DGKD: variants seen among roughly 807,000 people sequenced by gnomAD.
DGKD encodes DAG kinase delta.
DGKD carries 68 observed loss-of-function variants against 154.4 expected under a neutral mutation model. The observed-to-expected ratio is 0.44, with a 90% CI of 0.36 to 0.54. The LOEUF (loss-of-function observed/expected upper bound fraction) is 0.54. Among genes scored for constraint, DGKD ranks in the 20% least tolerant of loss-of-function variants. The pLI is 0.00. For missense variants in DGKD, 1,343 were observed against 1,593.6 expected, an observed-to-expected ratio of 0.84 and a Z score of 2.68; for synonymous variants, 693 against 638.0, an observed-to-expected ratio of 1.09 and a Z score of -1.30.
At chr2:233,421,513 A>G (rs1338187966) in intron 3 of DGKD, among the ~76,000 whole-genome samples, 1 of 152,222 alleles carries the variant, frequency 6.6e-6, no homozygotes, top group East Asian at 1.9e-4. Context: ...AGTAAAAGCC[A>G]AAGTTCTTAC....
intron 1 of DGKD, among the ~76,000 whole-genome samples, chr2:233,378,952 G>T (rs1310316514): frequency 6.6e-6 from 1 of 152,194 alleles, no homozygotes; most frequent in East Asian, 1.9e-4. Flanking sequence ...GATCTCTTGA[G>T]CCCAAGAGGT....
At chr2:233,357,054 G>A (rs1377647319) in intron 1 of DGKD, among the ~76,000 whole-genome samples, 2 of 152,186 alleles carry the variant, frequency 1.3e-5, no homozygotes, top group Admixed American at 6.5e-5. Flanking sequence ...GCAACAAGCA[G>A]GAAACTGCTG....
chr2:233,389,258 C>T (rs1249388260), intron 2 of DGKD, among the ~76,000 whole-genome samples: 1 of 152,118 alleles, frequency 6.6e-6, no homozygotes, highest in African/African-American at 2.4e-5. Flanking sequence ...TTCTGTGTGC[C>T]CTATTGTAGG....
intron 1 of DGKD, among the ~76,000 whole-genome samples, chr2:233,377,364 G>T (rs943960255): frequency 1.3e-5 from 2 of 152,154 alleles, no homozygotes; most frequent in Admixed American, 6.6e-5. Context: ...GATTACAGGC[G>T]TGAGCCACTG....
chr2:233,376,888 CAT>C (rs774796940), intron 1 of DGKD, among the ~76,000 whole-genome samples: 34 of 152,084 alleles, frequency 2.2e-4, no homozygotes, highest in Non-Finnish European at 4.3e-4. Context: ...CTTTTAAAAT[CAT>C]GTGTGTGCCT....
intron 3 of DGKD, among the ~76,000 whole-genome samples, chr2:233,408,513 C>T (rs1343590004): frequency 6.6e-6 from 1 of 152,190 alleles, no homozygotes; most frequent in Non-Finnish European, 1.5e-5. Flanking sequence ...CAGCTCCTGC[C>T]CCCTGGGCTC....
chr2:233,393,616 G>T, intron 3 of DGKD, among the ~76,000 whole-genome samples: 1 of 151,400 alleles, frequency 6.6e-6, no homozygotes, highest in Non-Finnish European at 1.5e-5. Flanking sequence ...GGGATTACAG[G>T]TGTAAGGCAC....
rs374290178 is a variant in DGKD at position 233,412,270 on chromosome 2, C to G, written c.348+21787C>G. Reference sequence around the variant, plus strand: ...CAGTACATTAACACGATCTCTCTCTCTTTATTTAGGTGCTTTAAATTTATC... The same window carrying G: ...CAGTACATTAACACGATCTCTCTCTGTTTATTTAGGTGCTTTAAATTTATC... On this transcript the variant is annotated intron_variant, in intron 3 of 29. Coordinates refer to ENST00000264057, the MANE Select transcript of DGKD (RefSeq NM_152879.3). Among the ~76,000 whole-genome samples the G allele has an allele frequency of 1.6e-4, 24 of 152,296 alleles. No homozygotes were observed. The East Asian group carries it at 3.5e-3, about 22-fold the overall frequency.
Position 233,355,096 on chromosome 2 carries a change from C to T in DGKD, c.156+422C>T, listed in dbSNP as rs569185364. ...CCCCAAACCCCGGTTCTGCACGTTT[C>T]TCAGGAGCGGTCGGGTGGTGTCCCG... On this transcript the variant is annotated intron_variant, in intron 1 of 29. Coordinates refer to ENST00000264057, the MANE Select transcript of DGKD (RefSeq NM_152879.3). Among the ~76,000 whole-genome samples, 5 of 152,244 alleles carry T rather than the reference C, an allele frequency of 3.3e-5. No individual in the cohort carries two copies. In the South Asian group the frequency reaches 1.0e-3, roughly 32 times the overall value.
intron 16 of DGKD, among the ~76,000 whole-genome samples, 166 bp downstream of exon 16, chr2:233,450,297 G>A (rs139846926): frequency 4.6e-5 from 7 of 152,208 alleles, no homozygotes; most frequent in East Asian, 3.9e-4. Context: ...TCTCCTGTGC[G>A]CGCCCTTGAG....
intron 3 of DGKD, among the ~76,000 whole-genome samples, chr2:233,397,549 A>G (rs1192390155): frequency 1.6e-5 from 2 of 127,362 alleles, no homozygotes; most frequent in Non-Finnish European, 3.3e-5. Flanking sequence ...GGGGGGGGGC[A>G]GAGTGAGAGG....
chr2:233,388,538 T>TAAA, intron 2 of DGKD, 171 bp downstream of exon 2: 1 of 533,764 alleles, frequency 1.9e-6, no homozygotes, highest in Non-Finnish European at 3.2e-6. Flanking sequence ...TCAAGGCATG[T>TAAA]TTTATTTCTT....
chr2:233,390,303 G>T lies in DGKD; in HGVS notation c.268-100G>T, dbSNP rs1428659332. ...TCAAGGTACTGGGGCTTCTGTGGGT[G>T]CTTGTTAGGGATCATTGGGGTGTGG... On this transcript the variant is annotated intron_variant, in intron 2 of 29. Transcript: ENST00000264057. 4 of 767,788 alleles carry T rather than the reference G, an allele frequency of 5.2e-6. No homozygotes were observed. In the Admixed American group the frequency reaches 8.2e-5, roughly 16 times the overall value. The allele number at this position is 767,788 out of a possible 1,614,324, so 47.6% of individuals were successfully genotyped here. A position where few individuals can be genotyped will look rare whatever the true frequency, so the allele number is the denominator to read the frequency against.
At chr2:233,398,303 G>A (rs1052206071) in intron 3 of DGKD, among the ~76,000 whole-genome samples, 7 of 151,602 alleles carry the variant, frequency 4.6e-5, no homozygotes, top group Admixed American at 2.0e-4. Context: ...CACCACGCCC[G>A]ACTAATTTTT....
chr2:233,404,952 G>T (rs930075355), intron 3 of DGKD, among the ~76,000 whole-genome samples: 1 of 152,174 alleles, frequency 6.6e-6, no homozygotes, highest in Admixed American at 6.5e-5. Context: ...AACCAGCTTG[G>T]AAAGAAGACA....
chr2:233,385,704 ATTATTTTGGGGTG>A (rs1703134726), intron 1 of DGKD, among the ~76,000 whole-genome samples: 2 of 152,148 alleles, frequency 1.3e-5, no homozygotes, highest in Admixed American at 1.3e-4. Flanking sequence ...AATACAGCAC[ATTATTTTGGGGTG>A]TTATTTTCTT....
chr2:233,419,919 C>T (rs1235075449), intron 3 of DGKD, among the ~76,000 whole-genome samples: 1 of 152,166 alleles, frequency 6.6e-6, no homozygotes, highest in Non-Finnish European at 1.5e-5. Context: ...CTGTTCTCCT[C>T]TAAAAGCTCC....
intron 3 of DGKD, among the ~76,000 whole-genome samples, chr2:233,399,537 G>T (rs896642259): frequency 6.6e-5 from 10 of 152,192 alleles, no homozygotes; most frequent in African/African-American, 2.4e-4. Flanking sequence ...GTGGGGGAAG[G>T]GGGTACGTGG....
intron 1 of DGKD, among the ~76,000 whole-genome samples, chr2:233,361,204 T>C (rs566430363): frequency 1.9e-4 from 29 of 152,192 alleles, no homozygotes; most frequent in African/African-American, 6.3e-4. Flanking sequence ...ACAATTTGGA[T>C]TGGGATCCAA....
Sources: allele counts gnomAD v4.1 joint callset (sites outside exome capture counted in the v4.1 genomes callset), GRCh38; gene constraint gnomAD v4.1.1; transcripts MANE v1.5; gene names NCBI Gene and HGNC (gene_info 2026-07-23, HGNC 2026-07-21).